LPP: variants seen among roughly 807,000 people sequenced by gnomAD.
LPP encodes the protein lipoma-preferred partner.
LPP carries 38 observed loss-of-function variants against 60.4 expected under a neutral mutation model. The observed-to-expected ratio is 0.63, with a 90% CI of 0.49 to 0.83. The LOEUF (loss-of-function observed/expected upper bound fraction) is 0.83. Among genes scored for constraint, LPP ranks in the 40% least tolerant of loss-of-function variants. The pLI is 0.00. For synonymous variants in LPP, 328 were observed against 290.8 expected (o/e 1.13, Z -1.30); for missense variants, 902 against 783.6 (o/e 1.15, Z -1.80).
chr3:188,498,651 T>G (rs978085731), intron 5 of LPP, among the ~76,000 whole-genome samples: 3 of 152,208 alleles, frequency 2.0e-5, no homozygotes, highest in Non-Finnish European at 2.9e-5. Flanking sequence ...TGGACCCTGC[T>G]TTCAGTTATT....
intron 2 of LPP, among the ~76,000 whole-genome samples, chr3:188,306,933 C>T (rs1040589625): frequency 8.5e-5 from 13 of 152,164 alleles, no homozygotes; most frequent in Non-Finnish European, 1.6e-4. Context: ...CAACAAAGCA[C>T]GTTGTAAGTC....
At chr3:188,484,492 T>C in intron 4 of LPP, 100 bp from the exon 5 acceptor site, 1 of 812,480 alleles carries the variant, frequency 1.2e-6, no homozygotes, top group Non-Finnish European at 2.0e-6. Flanking sequence ...AAATTATGTG[T>C]CAAAGCCAAT....
intron 9 of LPP, among the ~76,000 whole-genome samples, chr3:188,769,529 C>T (rs755737591): frequency 3.9e-5 from 6 of 152,148 alleles, no homozygotes; most frequent in African/African-American, 9.7e-5. Context: ...TGTTGCAAAC[C>T]GTATTAACTG....
At chr3:188,623,109 A>T (rs1846126201) in intron 7 of LPP, among the ~76,000 whole-genome samples, 1 of 139,784 alleles carries the variant, frequency 7.2e-6, no homozygotes, top group African/African-American at 2.6e-5. Context: ...TGTATGGATG[A>T]CTAGATCATT....
intron 6 of LPP, among the ~76,000 whole-genome samples, chr3:188,530,577 C>T (rs1218279150): frequency 6.6e-6 from 1 of 152,110 alleles, no homozygotes; most frequent in Non-Finnish European, 1.5e-5. Context: ...CAAGGAGGCT[C>T]ATTTAGAGAC....
chr3:188,656,100 G>A (rs551572042), intron 7 of LPP, among the ~76,000 whole-genome samples: 2 of 151,076 alleles, frequency 1.3e-5, no homozygotes, highest in Non-Finnish European at 2.9e-5. Context: ...GCTGAGACAG[G>A]AGAATTGCTT....
At chr3:188,558,660 C>G (rs1178865575) in intron 6 of LPP, among the ~76,000 whole-genome samples, 1 of 151,988 alleles carries the variant, frequency 6.6e-6, no homozygotes, top group African/African-American at 2.4e-5. Context: ...AAAACTCAAA[C>G]CTTTAATATT....
intron 1 of LPP, among the ~76,000 whole-genome samples, chr3:188,216,042 C>A (rs1553816031): frequency 6.6e-6 from 1 of 152,080 alleles, no homozygotes; most frequent in Non-Finnish European, 1.5e-5. Flanking sequence ...TTTTTTGTAT[C>A]CCTTTCTCCT....
intron 6 of LPP, among the ~76,000 whole-genome samples, chr3:188,590,874 T>G (rs1250353656): frequency 6.6e-6 from 1 of 152,130 alleles, no homozygotes; most frequent in Non-Finnish European, 1.5e-5. Flanking sequence ...GAAAACTGAG[T>G]CAGTTTAGTG....
intron 2 of LPP, among the ~76,000 whole-genome samples, chr3:188,299,767 T>C (rs989324000): frequency 2.0e-5 from 3 of 152,124 alleles, no homozygotes; most frequent in Non-Finnish European, 4.4e-5. Context: ...AAAACTCCTT[T>C]CTTGAGAAAA....
Position 188,858,856 on chromosome 3 carries a change from G to A in LPP, c.1411-7344G>A, listed in dbSNP as rs1056265945. 1.1e-4 allele frequency among the ~76,000 whole-genome samples: 16 copies of A among 152,032 alleles called. No homozygotes were observed. In the South Asian group the frequency reaches 1.7e-3, roughly 16 times the overall value. On this transcript the variant is annotated intron_variant, in intron 9 of 11. Coordinates refer to ENST00000617246, the MANE Select transcript of LPP (RefSeq NM_001375462.1). ...TGTAATCCCAGCACTTTGGGAGGCC[G>A]AGGTGGGCGGATCACCTGAGCTCAC...
At chr3:188,335,785 A>G (rs1761464315) in intron 2 of LPP, among the ~76,000 whole-genome samples, 2 of 151,976 alleles carry the variant, frequency 1.3e-5, no homozygotes, top group African/African-American at 4.8e-5. Flanking sequence ...GTCATATTTT[A>G]TTGCTTTTTC....
chr3:188,608,207 G>C (rs1842903634), intron 6 of LPP, among the ~76,000 whole-genome samples: 1 of 152,122 alleles, frequency 6.6e-6, no homozygotes, highest in South Asian at 2.1e-4. Flanking sequence ...TTCCCCTTTT[G>C]TTTAAGTTCA....
intron 4 of LPP, among the ~76,000 whole-genome samples, chr3:188,412,602 C>T (rs144299915): frequency 4.4e-4 from 67 of 152,266 alleles, no homozygotes; most frequent in African/African-American, 1.4e-3. Flanking sequence ...AGGGCTCTTA[C>T]GAATTTTAAA....
At chr3:188,745,836 C>G (rs948935465) in intron 8 of LPP, among the ~76,000 whole-genome samples, 1 of 152,076 alleles carries the variant, frequency 6.6e-6, no homozygotes, top group Non-Finnish European at 1.5e-5. Flanking sequence ...TTGGAGCATA[C>G]TTTGAAAGCC....
intron 9 of LPP, among the ~76,000 whole-genome samples, chr3:188,770,351 T>C (rs895895638): frequency 1.2e-4 from 18 of 147,180 alleles, no homozygotes; most frequent in Non-Finnish European, 2.0e-4. Context: ...GCTATTTTTT[T>C]TTTTTTTTTT....
At chr3:188,831,089 TTC>T (rs1160461526) in intron 9 of LPP, among the ~76,000 whole-genome samples, 36 of 152,290 alleles carry the variant, frequency 2.4e-4, no homozygotes, top group Middle Eastern at 6.8e-3. Context: ...ATGCCAAGAT[TTC>T]TCTATCATTC....
chr3:188,614,242 T>C (rs1206236030), intron 7 of LPP, among the ~76,000 whole-genome samples: 1 of 152,164 alleles, frequency 6.6e-6, no homozygotes, highest in Non-Finnish European at 1.5e-5. Context: ...TTTTAATTTT[T>C]GAAAAGAGAA....
chr3:188,607,936 T>C (rs9856723), intron 6 of LPP, among the ~76,000 whole-genome samples: 2 of 151,948 alleles, frequency 1.3e-5, no homozygotes, highest in African/African-American at 4.8e-5. Flanking sequence ...ATCCTTTTTT[T>C]ATGTGGTATT....
Sources: gnomAD v4.1 joint callset for allele counts (sites outside exome capture counted in the v4.1 genomes callset) on GRCh38, gnomAD v4.1.1 for gene constraint, MANE v1.5 for transcripts, NCBI Gene and HGNC (gene_info 2026-07-23, HGNC 2026-07-21) for gene names.